Variants in ATAD2B observed in about 807,000 individuals in gnomAD.
ATAD2B encodes the protein ATPase family AAA domain containing 2B, also known as ATPase family AAA domain-containing protein 2B.
ATAD2B carries 40 observed loss-of-function variants against 167.6 expected under a neutral mutation model. The observed-to-expected ratio is 0.24, with a 90% confidence interval of 0.19 to 0.31. ATAD2B has a LOEUF of 0.31. Among genes scored for constraint, ATAD2B ranks in the 10% least tolerant of loss-of-function variants. ATAD2B has a pLI of 1.00. For synonymous variants in ATAD2B, 579 were observed against 596.5 expected (o/e 0.97, Z 0.43); for missense variants, 1,242 against 1,757.2 (o/e 0.71, Z 5.24).
intron 13 of ATAD2B, among the ~76,000 whole-genome samples, chr2:23,834,785 G>A (rs1452977299): frequency 6.6e-6 from 1 of 152,134 alleles, no homozygotes; most frequent in Non-Finnish European, 1.5e-5. Context: ...AGGCGCGGTG[G>A]TGCATGCCTA....
At chr2:23,685,779 G>A in the ATAD2B span, among the ~76,000 whole-genome samples, 1 of 152,192 alleles carries the variant, frequency 6.6e-6, no homozygotes, top group Non-Finnish European at 1.5e-5. Flanking sequence ...ATGTCTAGTG[G>A]CCTCACCAGG....
intron 22 of ATAD2B, among the ~76,000 whole-genome samples, chr2:23,777,212 C>T (rs1309430924): frequency 2.0e-5 from 3 of 152,116 alleles, no homozygotes; most frequent in Non-Finnish European, 4.4e-5. Flanking sequence ...GAATTGATAA[C>T]CTCTAGAACT....
intron 18 of ATAD2B, among the ~76,000 whole-genome samples, chr2:23,805,867 G>A (rs1297404846): frequency 2.1e-5 from 3 of 141,810 alleles, no homozygotes; most frequent in Non-Finnish European, 3.1e-5. Context: ...CATTTTTATT[G>A]GTTACTTTTT....
rs1007430384 is a variant in ATAD2B at position 23,920,178 on chromosome 2, G to T, written c.216+6377C>A. On this transcript the variant is annotated intron_variant, in intron 1 of 27. Transcript: ENST00000238789. ...AAAAAAAAAAAAAGGTATTAATTGGGCACTGACTGACACATGCTGTTCTAG... is the reference window on the plus strand; with the variant it reads ...AAAAAAAAAAAAAGGTATTAATTGGTCACTGACTGACACATGCTGTTCTAG... Among the ~76,000 whole-genome samples the T allele has an allele frequency of 2.6e-5, 4 of 151,768 alleles. No individual in the cohort carries two copies. The East Asian group carries it at 7.7e-4, about 29-fold the overall frequency.
chr2:23,826,476 T>C (rs1688276535), intron 15 of ATAD2B, among the ~76,000 whole-genome samples: 1 of 152,206 alleles, frequency 6.6e-6, no homozygotes, highest in Non-Finnish European at 1.5e-5. Flanking sequence ...TTCATAACCA[T>C]ACTAAATCTA....
chr2:23,687,069 C>G, the ATAD2B span, among the ~76,000 whole-genome samples: 1 of 152,208 alleles, frequency 6.6e-6, no homozygotes, highest in Non-Finnish European at 1.5e-5. Context: ...ATCCGTGACC[C>G]TGGAGACTTA....
At chr2:23,920,615 G>C (rs1703768662) in intron 1 of ATAD2B, among the ~76,000 whole-genome samples, 1 of 152,062 alleles carries the variant, frequency 6.6e-6, no homozygotes, top group African/African-American at 2.4e-5. Context: ...CTGCCTTCAT[G>C]GCACTTACGG....
chr2:23,719,330 A>G, the ATAD2B span, among the ~76,000 whole-genome samples: 1 of 152,226 alleles, frequency 6.6e-6, no homozygotes, highest in Non-Finnish European at 1.5e-5. Flanking sequence ...AATACATTAA[A>G]CAACCCTAAG....
At position 23,884,829 on chromosome 2, in the gene ATAD2B, T is replaced by G. The variant is rs188370562; in HGVS notation, c.720A>C (p.Ser240=). 3.2e-4 allele frequency: 517 copies of G among 1,600,102 alleles called. 1 individual carries two copies. Among genetic ancestry groups the G allele is most frequent in the Admixed American group, 5.9e-4 (34 of 57,638 alleles). The change falls in exon 6 of 28, where the codon TCA becomes TCC. Residue 240 remains serine, a synonymous_variant. Transcript: ENST00000238789. The part of the protein sequence containing the change: ...MYSRVKRRRK[S]LRRNSYGIQN... ...GTATCCCATAACTATTTCTTCTTAGTGACTTTCTTCGCCTTTTCACTCTTG... is the reference window on the plus strand; with the variant it reads ...GTATCCCATAACTATTTCTTCTTAGGGACTTTCTTCGCCTTTTCACTCTTG...
At chr2:23,915,185 AAATAAT>A (rs917078733) in intron 1 of ATAD2B, among the ~76,000 whole-genome samples, 10 of 152,192 alleles carry the variant, frequency 6.6e-5, no homozygotes, top group Admixed American at 1.3e-4. Context: ...TGTTAAGAGA[AAATAAT>A]AAAATAAGCT....
intron 13 of ATAD2B, among the ~76,000 whole-genome samples, chr2:23,836,289 A>G (rs1366711238): frequency 6.6e-6 from 1 of 152,146 alleles, no homozygotes; most frequent in Non-Finnish European, 1.5e-5. Context: ...GACCAGGCAC[A>G]CTGCAAGCAG....
intron 21 of ATAD2B, among the ~76,000 whole-genome samples, chr2:23,783,971 G>A (rs1441104883): frequency 6.6e-6 from 1 of 151,916 alleles, no homozygotes; most frequent in Non-Finnish European, 1.5e-5. Context: ...GTTTTTTAAT[G>A]TTTAGGATTA....
chr2:23,698,641 G>A, the ATAD2B span, among the ~76,000 whole-genome samples: 1 of 152,190 alleles, frequency 6.6e-6, no homozygotes, highest in East Asian at 1.9e-4. Flanking sequence ...CAGCACAATA[G>A]ACAAACCTGT....
intron 20 of ATAD2B, 57 bp from the exon 21 acceptor site, chr2:23,786,280 T>C (rs1373143414): frequency 2.2e-6 from 3 of 1,372,620 alleles, no homozygotes; most frequent in Non-Finnish European, 2.0e-6. Flanking sequence ...GGACCCTTTT[T>C]TGGCATTCTC....
At chr2:23,924,569 A>T (rs903545256) in intron 1 of ATAD2B, among the ~76,000 whole-genome samples, 2 of 152,254 alleles carry the variant, frequency 1.3e-5, no homozygotes, top group Non-Finnish European at 2.9e-5. Context: ...AAGAGTAGTT[A>T]CGTCTCTAAA....
At chr2:23,920,193 T>C (rs72796339) in intron 1 of ATAD2B, among the ~76,000 whole-genome samples, 18,302 of 151,474 alleles carry the variant, frequency 0.12, 1,197 homozygotes, top group Middle Eastern at 0.22. Context: ...GACTGACACA[T>C]GCTGTTCTAG....
At chr2:23,768,102 T>C (rs1677722563) in intron 22 of ATAD2B, among the ~76,000 whole-genome samples, 1 of 152,194 alleles carries the variant, frequency 6.6e-6, no homozygotes, top group Non-Finnish European at 1.5e-5. Context: ...ATCTGCATTA[T>C]TAACATATTG....
At chr2:23,879,948 C>T (rs1697601423) in intron 7 of ATAD2B, among the ~76,000 whole-genome samples, 2 of 151,778 alleles carry the variant, frequency 1.3e-5, no homozygotes, top group South Asian at 4.2e-4. Flanking sequence ...ATCCCAGCTA[C>T]TCAGGAGGCT....
chr2:23,912,453 G>C (rs1440962066), intron 1 of ATAD2B, among the ~76,000 whole-genome samples: 1 of 151,866 alleles, frequency 6.6e-6, no homozygotes, highest in Non-Finnish European at 1.5e-5. Flanking sequence ...GCTACAGTGG[G>C]CTACGATCAT....
Sources: gnomAD v4.1 joint callset for allele counts (sites outside exome capture counted in the v4.1 genomes callset) on GRCh38, gnomAD v4.1.1 for gene constraint, MANE v1.5 for transcripts, NCBI Gene and HGNC (gene_info 2026-07-23, HGNC 2026-07-21) for gene names.